The following MALRD1 variants were observed in gnomAD, a reference collection of about 807,000 sequenced individuals.
MALRD1 encodes MAM and LDL-receptor class A domain-containing protein 1.
MALRD1 carries 247 observed loss-of-function variants against 242.1 expected under a neutral mutation model. The ratio of observed to expected loss-of-function variants is 1.02; its 90% CI spans 0.92 to 1.13. The LOEUF is 1.13. MALRD1 is among the 50% of genes most tolerant of loss of function. The pLI is 0.00. For missense variants in MALRD1, 2,989 were observed against 2,533.1 expected (o/e 1.18, Z -3.86); for synonymous variants, 995 against 866.6 (o/e 1.15, Z -2.60).
chr10:19,631,307 T>C (rs548370332), intron 36 of MALRD1, among the ~76,000 whole-genome samples: 1 of 152,284 alleles, frequency 6.6e-6, no homozygotes, highest in East Asian at 1.9e-4. Context: ...ATCCATGTTC[T>C]TGTAAAGGAC....
In MALRD1 at chr10:19,217,098, G is replaced by A. The variant is rs182669370; in HGVS notation, c.2991+7418G>A. Among the ~76,000 whole-genome samples the A allele has an allele frequency of 4.6e-4, 70 of 152,272 alleles. 1 individual carries two copies. In the South Asian group the frequency reaches 0.011, roughly 25 times the overall value. ...ATAGCTAGTTGCAGTAGGACCCTCT[G>A]TCTGGCCTTGCTGCTCTCATTTTTG... On this transcript the variant is annotated intron_variant, in intron 18 of 39. Transcript: ENST00000454679.
intron 21 of MALRD1, among the ~76,000 whole-genome samples, chr10:19,311,015 T>C (rs962644343): frequency 6.6e-6 from 1 of 151,426 alleles, no homozygotes; most frequent in African/African-American, 2.4e-5. Flanking sequence ...GAAGGATACC[T>C]TGAATGATAA....
intron 21 of MALRD1, among the ~76,000 whole-genome samples, chr10:19,308,524 G>C (rs1842312945): frequency 6.6e-6 from 1 of 151,520 alleles, no homozygotes; most frequent in South Asian, 2.1e-4. Context: ...CTTAAGCTTA[G>C]TCTAGTCCAG....
intron 38 of MALRD1, among the ~76,000 whole-genome samples, chr10:19,720,941 A>G (rs1834718396): frequency 6.6e-6 from 1 of 152,154 alleles, no homozygotes; most frequent in Non-Finnish European, 1.5e-5. Context: ...CAGGGCACCA[A>G]TCTCTCATGA....
intron 21 of MALRD1, among the ~76,000 whole-genome samples, chr10:19,292,175 G>A (rs12220202): frequency 2.0e-5 from 3 of 151,260 alleles, no homozygotes; most frequent in African/African-American, 7.3e-5. Context: ...CCCTGAGTCA[G>A]TCTAAAAAAC....
At chr10:19,099,343 A>T (rs765069681) in intron 4 of MALRD1, among the ~76,000 whole-genome samples, 1 of 152,200 alleles carries the variant, frequency 6.6e-6, no homozygotes, top group Non-Finnish European at 1.5e-5. Context: ...TCCTGTATCA[A>T]TGCCATCCAG....
In MALRD1 at chr10:19,703,630, C is replaced by T. The variant is rs559447921; in HGVS notation, c.6314+11076C>T. The stretch of plus-strand genomic sequence containing the variant: ...TACAAATAGGTCTGGTGCAGTGGCT[C>T]ACATTGGTAATCCCAGCATTTTGGG... On this transcript the variant is annotated intron_variant, in intron 38 of 39. Transcript: ENST00000454679. 2.6e-5 allele frequency among the ~76,000 whole-genome samples: 4 copies of T among 152,298 alleles called. No individual in the cohort carries two copies. The East Asian group carries it at 5.8e-4, about 22-fold the overall frequency.
chr10:19,361,408 A>T (rs1844891516), intron 26 of MALRD1, among the ~76,000 whole-genome samples: 1 of 152,122 alleles, frequency 6.6e-6, no homozygotes, highest in Non-Finnish European at 1.5e-5. Flanking sequence ...CATCCCCCAG[A>T]CACTAAAGAG....
At chr10:19,627,129 AT>A (rs1267410846) in intron 36 of MALRD1, among the ~76,000 whole-genome samples, 1 of 152,178 alleles carries the variant, frequency 6.6e-6, no homozygotes, top group Non-Finnish European at 1.5e-5. Context: ...AATAATTGAT[AT>A]TAAGATAATT....
chr10:19,441,365 T>C (rs1834638328), intron 28 of MALRD1, among the ~76,000 whole-genome samples: 1 of 152,228 alleles, frequency 6.6e-6, no homozygotes, highest in African/African-American at 2.4e-5. Flanking sequence ...TTTGTCAATT[T>C]TGGCTTTTGT....
intron 38 of MALRD1, among the ~76,000 whole-genome samples, chr10:19,714,093 G>C (rs1183480175): frequency 1.3e-5 from 2 of 152,164 alleles, no homozygotes; most frequent in Non-Finnish European, 2.9e-5. Flanking sequence ...TCTGTAGGCA[G>C]CTTGTGTTAT....
At chr10:19,062,135 A>C (rs1834840603) in intron 1 of MALRD1, among the ~76,000 whole-genome samples, 1 of 152,222 alleles carries the variant, frequency 6.6e-6, no homozygotes, top group South Asian at 2.1e-4. Flanking sequence ...TTTCTCAAAA[A>C]AATACATAAA....
intron 2 of MALRD1, among the ~76,000 whole-genome samples, chr10:19,085,956 G>A (rs1835655324): frequency 1.3e-5 from 2 of 151,894 alleles, no homozygotes; most frequent in Non-Finnish European, 2.9e-5. Context: ...AATAATATAT[G>A]CATATGGCTG....
chr10:19,311,555 A>T (rs1473945817), intron 21 of MALRD1, among the ~76,000 whole-genome samples: 4 of 151,480 alleles, frequency 2.6e-5, no homozygotes, highest in African/African-American at 7.3e-5. Context: ...TATATTTTTT[A>T]AAATTAAGTC....
intron 28 of MALRD1, among the ~76,000 whole-genome samples, chr10:19,431,994 A>AT (rs902432601): frequency 1.3e-5 from 2 of 151,502 alleles, no homozygotes; most frequent in Admixed American, 1.3e-4. Context: ...TACCATATGA[A>AT]TTTTTTTTTC....
At chr10:19,073,547 C>G (rs935788068) in intron 2 of MALRD1, among the ~76,000 whole-genome samples, 2 of 152,094 alleles carry the variant, frequency 1.3e-5, no homozygotes, top group African/African-American at 4.8e-5. Context: ...TGTGCAGAGA[C>G]TTTGTTTTAT....
At chr10:19,401,858 C>T (rs1345376390) in intron 28 of MALRD1, among the ~76,000 whole-genome samples, 1 of 152,128 alleles carries the variant, frequency 6.6e-6, no homozygotes, top group South Asian at 2.1e-4. Flanking sequence ...TATTTGCCAA[C>T]ATTTTGTAGC....
intron 36 of MALRD1, among the ~76,000 whole-genome samples, chr10:19,657,546 T>A (rs1270149015): frequency 9.1e-6 from 1 of 109,464 alleles, no homozygotes; most frequent in African/African-American, 6.6e-5. Flanking sequence ...TTTCTTAACA[T>A]TTTTTTTTAG....
intron 28 of MALRD1, 122 bp downstream of exon 28, chr10:19,389,731 C>T: frequency 9.2e-7 from 1 of 1,082,700 alleles, no homozygotes; most frequent in South Asian, 1.7e-5. Context: ...CCTCCAACTC[C>T]TGGACTCAAG....
Sources: gnomAD v4.1 joint callset for allele counts (sites outside exome capture counted in the v4.1 genomes callset) on GRCh38, gnomAD v4.1.1 for gene constraint, MANE v1.5 for transcripts, NCBI Gene and HGNC (gene_info 2026-07-23, HGNC 2026-07-21) for gene names.